Variants in SLC35F5 observed in about 807,000 individuals in gnomAD.
The protein encoded by SLC35F5 is solute carrier family 35 member F5.
A neutral mutation model predicts 68.6 loss-of-function variants in SLC35F5; 54 were observed. The observed-to-expected ratio is 0.79, with a 90% CI of 0.63 to 0.99. The LOEUF (loss-of-function observed/expected upper bound fraction) is 0.99. Among genes scored for constraint, SLC35F5 ranks in the 50% least tolerant of loss-of-function variants. The pLI is 0.00. For synonymous variants in SLC35F5, 211 were observed against 205.2 expected (o/e 1.03, Z -0.24); for missense variants, 567 against 626.9 (o/e 0.90, Z 1.02).
downstream of SLC35F5, among the ~76,000 whole-genome samples, chr2:113,706,554 T>C (rs1262913108): frequency 1.3e-5 from 2 of 152,180 alleles, no homozygotes; most frequent in Non-Finnish European, 2.9e-5. Context: ...AAGGGCAATT[T>C]GATTATTCAA....
intron 9 of SLC35F5, among the ~76,000 whole-genome samples, chr2:113,733,809 C>A (rs1261495912): frequency 5.3e-5 from 8 of 152,212 alleles, no homozygotes; most frequent in Non-Finnish European, 7.3e-5. Flanking sequence ...AAGAAAACTG[C>A]CCCAGGGCAA....
At chr2:113,731,521 T>A in intron 10 of SLC35F5, 63 bp downstream of exon 10, 1 of 1,307,380 alleles carries the variant, frequency 7.6e-7, no homozygotes, top group Non-Finnish European at 1.1e-6. Context: ...TCTGTGCACA[T>A]GAGCACGCAC....
chr2:113,744,953 A>G lies in SLC35F5; in HGVS notation c.481-1159T>C, dbSNP rs145005128. Among the ~76,000 whole-genome samples, 19 of 152,286 alleles carry G rather than the reference A, an allele frequency of 1.2e-4. No individual in the cohort carries two copies. The East Asian group carries it at 3.5e-3, about 28-fold the overall frequency. On this transcript the variant is annotated intron_variant, in intron 5 of 15. Transcript: ENST00000245680. ...AAGGTACAAATCTCCAACTAGGCTG[A>G]TTCTTCAAAATTAACAGAACTTTTT...
chr2:113,755,542 C>A lies in SLC35F5; in HGVS notation c.43G>T (p.Val15Leu). Reference protein sequence around the residue: ...RRHRGAGRPGVLSSSPPFRLR... With the variant: ...RRHRGAGRPGLLSSSPPFRLR... Reference sequence around the variant, plus strand: ...CTAAAAGGAGGTGAAGAACTCAGCACCCCTAAAAACAACCATGAAATTATG... The same window carrying A: ...CTAAAAGGAGGTGAAGAACTCAGCAACCCTAAAAACAACCATGAAATTATG... Residue 15 changes from valine (V) to leucine (L), a missense_variant and splice_region_variant, in exon 2 of 16, where the codon GTG becomes TTG. Physicochemically the swap from Val to Leu is conservative, Grantham distance 32 (BLOSUM62 1). Coordinates refer to ENST00000245680, the MANE Select transcript of SLC35F5 (RefSeq NM_025181.5). 2 of 1,613,108 alleles carry A rather than the reference C, an allele frequency of 1.2e-6. No individual in the cohort carries two copies. Among genetic ancestry groups the A allele is most frequent in the African/African-American group, 2.7e-5 (2 of 74,996 alleles).
chr2:113,751,182 C>G (rs1676722231), intron 3 of SLC35F5, among the ~76,000 whole-genome samples: 1 of 152,056 alleles, frequency 6.6e-6, no homozygotes, highest in South Asian at 2.1e-4. Flanking sequence ...GGGAAGTTAT[C>G]CTGCCCTTGG....
At position 113,709,787 on chromosome 2, in the gene SLC35F5, A is replaced by G. The variant is rs1343611842; in HGVS notation, c.*5431T>C. 6.6e-6 allele frequency among the ~76,000 whole-genome samples: 1 copy of G among 152,150 alleles called. No homozygotes were observed. The highest frequency in any genetic ancestry group is 2.4e-5 in the African/African-American group (1 of 41,446). ...CCAGACCTACTGAATCAGAAACTCT[A>G]GGGTGGCCCCCAGCAATCAAGTTTT... On this transcript the variant is annotated 3_prime_UTR_variant, in exon 16 of 16. Transcript: ENST00000245680.
intron 9 of SLC35F5, among the ~76,000 whole-genome samples, chr2:113,731,957 T>C (rs972904698): frequency 1.3e-5 from 2 of 152,144 alleles, no homozygotes. Flanking sequence ...CAAGATCACA[T>C]AGCCGAGACT....
At chr2:113,721,877 A>G (rs1687452336) in intron 13 of SLC35F5, among the ~76,000 whole-genome samples, 1 of 152,154 alleles carries the variant, frequency 6.6e-6, no homozygotes, top group South Asian at 2.1e-4. Flanking sequence ...ATGACAAATA[A>G]GAATTTACTG....
At chr2:113,705,059 G>A (rs1003447127), downstream of SLC35F5, 9 of 152,222 alleles carry the variant, frequency 5.9e-5, no homozygotes, top group Non-Finnish European at 1.5e-5. Context: ...TAGACTGACA[G>A]TCAGAAAATG....
At chr2:113,750,307 C>T in intron 4 of SLC35F5, 118 bp downstream of exon 4, 1 of 953,108 alleles carries the variant, frequency 1.0e-6, no homozygotes, top group Non-Finnish European at 1.5e-6. Flanking sequence ...ATCATCTTCA[C>T]TCACTTAACT....
At chr2:113,741,884 T>C (rs1676290936) in intron 7 of SLC35F5, 1 of 152,086 alleles carries the variant, frequency 6.6e-6, no homozygotes, top group African/African-American at 2.4e-5. Context: ...GGCAAAATCA[T>C]GACATTAAAA....
chr2:113,737,327 C>G (rs1688130566), intron 7 of SLC35F5, among the ~76,000 whole-genome samples: 1 of 152,158 alleles, frequency 6.6e-6, no homozygotes, highest in South Asian at 2.1e-4. Flanking sequence ...AAGGCTAAAG[C>G]CAGAATGAAA....
intron 3 of SLC35F5, among the ~76,000 whole-genome samples, chr2:113,754,276 C>T (rs1574278246): frequency 1.5e-5 from 2 of 133,502 alleles, no homozygotes; most frequent in South Asian, 2.3e-4. Context: ...GGCGACAGAG[C>T]AGAGCAAGAC....
Position 113,735,794 on chromosome 2 carries a change from A to C in SLC35F5, c.815T>G (p.Ile272Ser). 1 of 1,604,552 alleles carries C rather than the reference A, an allele frequency of 6.2e-7. No homozygotes were observed. The highest frequency in any genetic ancestry group is 1.3e-5 in the African/African-American group (1 of 74,552). Reference protein sequence around the residue: ...LSDTQVAIVNILSSTSGLFTL... With the variant: ...LSDTQVAIVNSLSSTSGLFTL... ...TTTCTTACCGGAAGTTGAAGATAAA[A>C]TATTAACTATAGCAACTTGTGTGTC... The change falls in exon 8 of 16, where the codon ATT becomes AGT. Residue 272 changes from isoleucine to serine, a missense_variant. Physicochemically the swap from Ile to Ser is moderately radical, Grantham distance 142 (BLOSUM62 -2). Coordinates refer to ENST00000245680, the MANE Select transcript of SLC35F5 (RefSeq NM_025181.5).
rs1687003293 is a variant in SLC35F5 at position 113,712,002 on chromosome 2, T to C, written c.*3216A>G. On this transcript the variant is annotated 3_prime_UTR_variant, in exon 16 of 16. Coordinates refer to ENST00000245680, the MANE Select transcript of SLC35F5 (RefSeq NM_025181.5). ...GCTTCCAGAGAAGTCATACCTTGCA[T>C]ACCCTGGAGTCATACCTCAAATTGG... is the stretch of plus-strand genomic sequence containing the variant. Among the ~76,000 whole-genome samples the C allele has an allele frequency of 6.6e-6, 1 of 152,214 alleles. No individual in the cohort carries two copies. Among genetic ancestry groups the C allele is most frequent in the African/African-American group, 2.4e-5 (1 of 41,454 alleles).
chr2:113,705,932 G>T (rs1162263989), downstream of SLC35F5, among the ~76,000 whole-genome samples: 1 of 152,204 alleles, frequency 6.6e-6, no homozygotes, highest in African/African-American at 2.4e-5. Context: ...GGAAAGGGGA[G>T]TAAGTAGAGG....
At position 113,718,863 on chromosome 2, in the gene SLC35F5, GA is replaced by G. The variant is rs1331231113; in HGVS notation, c.1496+290del. Among the ~76,000 whole-genome samples the G allele has an allele frequency of 3.2e-3, 295 of 93,470 alleles. 2 individuals carry two copies. The highest frequency in any genetic ancestry group is 0.012 in the African/African-American group (274 of 23,530). 61.3% of individuals were successfully genotyped at this position (93,470 alleles called of 152,430 possible). A position where few individuals can be genotyped will look rare whatever the true frequency, so the allele number is the denominator to read the frequency against. ...AAAAGGAAAGAAAAAGAGAGAGAAAGAAAAAGAAAGAAAGAAAGAAAGAAAG... is the reference window on the plus strand; with the variant it reads ...AAAAGGAAAGAAAAAGAGAGAGAAAGAAAAGAAAGAAAGAAAGAAAGAAAG... On this transcript the variant is annotated intron_variant, in intron 14 of 15. Coordinates refer to ENST00000245680, the MANE Select transcript of SLC35F5 (RefSeq NM_025181.5).
chr2:113,735,230 A>G (rs555957425), intron 8 of SLC35F5, among the ~76,000 whole-genome samples: 2 of 152,250 alleles, frequency 1.3e-5, no homozygotes, highest in Non-Finnish European at 2.9e-5. Context: ...AAAATATTGT[A>G]AAGTATTTGA....
chr2:113,737,974 T>A (rs967958975), intron 7 of SLC35F5, among the ~76,000 whole-genome samples: 1 of 152,212 alleles, frequency 6.6e-6, no homozygotes, highest in African/African-American at 2.4e-5. Context: ...AAAATGTTAA[T>A]ATTTGATAAA....
Sources: gnomAD v4.1 joint callset for allele counts (sites outside exome capture counted in the v4.1 genomes callset) on GRCh38, gnomAD v4.1.1 for gene constraint, MANE v1.5 for transcripts, NCBI Gene and HGNC (gene_info 2026-07-23, HGNC 2026-07-21) for gene names.